Variants in CAMK2D observed in about 807,000 individuals in gnomAD.
CAMK2D encodes the protein calcium/calmodulin-dependent protein kinase type II subunit delta.
A neutral mutation model predicts 84.0 loss-of-function variants in CAMK2D; 37 were observed. The observed-to-expected ratio is 0.44, with a 90% CI of 0.34 to 0.58. CAMK2D has a LOEUF of 0.58. CAMK2D is among the 20% of genes least tolerant of loss of function. The probability of loss-of-function intolerance (pLI) is 0.02; values close to 1 mark genes in which losing one functional copy is unlikely to be tolerated. For missense variants in CAMK2D, 448 were observed against 652.5 expected (o/e 0.69, Z 3.41); for synonymous variants, 202 against 212.5 (o/e 0.95, Z 0.43).
intron 16 of CAMK2D, among the ~76,000 whole-genome samples, chr4:113,469,816 C>T (rs1447209519): frequency 1.3e-5 from 2 of 152,156 alleles, no homozygotes; most frequent in African/African-American, 4.8e-5. Flanking sequence ...AAATCCAGCA[C>T]CTCAAGCCAA....
intron 1 of CAMK2D, among the ~76,000 whole-genome samples, chr4:113,760,360 C>G (rs145987403): frequency 9.9e-5 from 15 of 152,238 alleles, no homozygotes; most frequent in Non-Finnish European, 2.1e-4. Context: ...AAGATGCACA[C>G]GTAAATCCTA....
chr4:113,703,994 C>T (rs2099431014), intron 2 of CAMK2D, among the ~76,000 whole-genome samples: 1 of 145,572 alleles, frequency 6.9e-6, no homozygotes, highest in Admixed American at 7.0e-5. Context: ...ATCTCAAATA[C>T]CTGAAAACCT....
chr4:113,524,913 A>T (rs2098404870), intron 8 of CAMK2D, among the ~76,000 whole-genome samples: 1 of 152,178 alleles, frequency 6.6e-6, no homozygotes, highest in Non-Finnish European at 1.5e-5. Flanking sequence ...ACTGTTGGAG[A>T]TGTGGGTAAG....
At chr4:113,527,509 CCAAA>C (rs937441866) in intron 8 of CAMK2D, among the ~76,000 whole-genome samples, 15 of 152,026 alleles carry the variant, frequency 9.9e-5, no homozygotes, top group African/African-American at 3.6e-4. Flanking sequence ...TACTGGGAAA[CCAAA>C]CAATTTGTGT....
At chr4:113,577,045 T>C (rs1208912734) in intron 4 of CAMK2D, among the ~76,000 whole-genome samples, 1 of 152,188 alleles carries the variant, frequency 6.6e-6, no homozygotes, top group East Asian at 1.9e-4. Flanking sequence ...TTTACTTTCA[T>C]TGATTTGTAT....
rs5861146 is a variant in CAMK2D at position 113,722,139 on chromosome 4, GT to G, written c.160+37180del. Among the ~76,000 whole-genome samples the G allele has an allele frequency of 0.015, 2,226 of 152,200 alleles. 90 individuals are homozygous for G. In the East Asian group the frequency reaches 0.15, roughly 10 times the overall value. On this transcript the variant is annotated intron_variant, in intron 2 of 20. Transcript: ENST00000511664. ...ACAAACTTAAGAGAGTATAGAAAAA[GT>G]TTTTTGCTTTTCTTCCCTACATTAA...
intron 13 of CAMK2D, chr4:113,508,147 CACTT>C (rs1042683965): frequency 2.2e-4 from 196 of 900,230 alleles, no homozygotes; most frequent in Non-Finnish European, 3.2e-4. Context: ...ACACCCTCTC[CACTT>C]ACTTACACTA....
At chr4:113,515,272 T>A in intron 9 of CAMK2D, 81 bp from the exon 10 acceptor site, 2 of 854,812 alleles carry the variant, frequency 2.3e-6, no homozygotes, top group Admixed American at 2.7e-5. Context: ...CATGAATCAT[T>A]CCCTCAAGTA....
intron 16 of CAMK2D, among the ~76,000 whole-genome samples, chr4:113,493,236 C>T (rs2097869799): frequency 6.6e-6 from 1 of 151,856 alleles, no homozygotes; most frequent in Non-Finnish European, 1.5e-5. Flanking sequence ...TCTTCCTAGT[C>T]TCGATGGTCT....
At chr4:113,690,766 G>A (rs570321063) in intron 2 of CAMK2D, among the ~76,000 whole-genome samples, 16 of 152,268 alleles carry the variant, frequency 1.1e-4, no homozygotes, top group African/African-American at 3.6e-4. Flanking sequence ...CATATTCATT[G>A]ATTTCATTAT....
chr4:113,477,739 C>CT (rs1209437424), intron 16 of CAMK2D, among the ~76,000 whole-genome samples: 10 of 99,098 alleles, frequency 1.0e-4, no homozygotes, highest in African/African-American at 3.9e-4. Flanking sequence ...GAGTGAGACT[C>CT]TGTCTCAAAA....
At chr4:113,705,190 G>C (rs969829219) in intron 2 of CAMK2D, among the ~76,000 whole-genome samples, 8 of 151,374 alleles carry the variant, frequency 5.3e-5, no homozygotes, top group African/African-American at 2.4e-5. Flanking sequence ...AGCCGGGCGT[G>C]GAGGCAGGCG....
chr4:113,680,951 T>C (rs1247524916), intron 2 of CAMK2D, among the ~76,000 whole-genome samples: 1 of 152,212 alleles, frequency 6.6e-6, no homozygotes, highest in Non-Finnish European at 1.5e-5. Context: ...TCAAAGACCA[T>C]TCCCCTAAAT....
intron 3 of CAMK2D, among the ~76,000 whole-genome samples, chr4:113,639,235 C>G (rs1028264218): frequency 1.3e-5 from 2 of 151,888 alleles, no homozygotes; most frequent in Non-Finnish European, 2.9e-5. Context: ...GAGAAAAATC[C>G]TGTCTCTTAA....
At chr4:113,471,781 T>C (rs1388966370) in intron 16 of CAMK2D, among the ~76,000 whole-genome samples, 1 of 152,102 alleles carries the variant, frequency 6.6e-6, no homozygotes, top group African/African-American at 2.4e-5. Flanking sequence ...AGAACAGAGC[T>C]GCCATTGTCC....
At chr4:113,526,148 G>A (rs2098415841) in intron 8 of CAMK2D, among the ~76,000 whole-genome samples, 1 of 152,132 alleles carries the variant, frequency 6.6e-6, no homozygotes, top group Non-Finnish European at 1.5e-5. Flanking sequence ...CCCTCAACAT[G>A]TGATATTAGA....
intron 2 of CAMK2D, among the ~76,000 whole-genome samples, chr4:113,718,848 T>G (rs2099521751): frequency 6.6e-6 from 1 of 152,130 alleles, no homozygotes; most frequent in South Asian, 2.1e-4. Context: ...TTCAAGAAAA[T>G]TTTGTCACTA....
chr4:113,476,245 C>T (rs2097614983), intron 16 of CAMK2D, among the ~76,000 whole-genome samples: 1 of 152,110 alleles, frequency 6.6e-6, no homozygotes, highest in Non-Finnish European at 1.5e-5. Context: ...TGAAAAGGCA[C>T]AGCATTGTAA....
intron 2 of CAMK2D, among the ~76,000 whole-genome samples, chr4:113,695,613 G>T (rs1033901684): frequency 1.3e-5 from 2 of 151,898 alleles, no homozygotes; most frequent in Non-Finnish European, 2.9e-5. Flanking sequence ...AGCTCCTATG[G>T]GGTCTGCTTT....
Sources: allele counts gnomAD v4.1 joint callset (sites outside exome capture counted in the v4.1 genomes callset), GRCh38; gene constraint gnomAD v4.1.1; transcripts MANE v1.5; gene names NCBI Gene and HGNC (gene_info 2026-07-23, HGNC 2026-07-21).